ATP2B1: variants seen among roughly 807,000 people sequenced by gnomAD.
The protein encoded by ATP2B1 is ATPase plasma membrane Ca2+ transporting 1, also known as plasma membrane calcium-transporting ATPase 1.
In ATP2B1, 14 loss-of-function variants were observed where a neutral mutation model predicts 124.2. The observed-to-expected ratio is 0.11, with a 90% CI of 0.07 to 0.18. The LOEUF (loss-of-function observed/expected upper bound fraction) is 0.18, where lower values mean the gene tolerates loss of function less well. ATP2B1 is among the 10% of genes least tolerant of loss of function. The pLI is 1.00. For missense variants in ATP2B1, 763 were observed against 1,466.1 expected (o/e 0.52, Z 7.83); for synonymous variants, 449 against 492.4 (o/e 0.91, Z 1.17).
chr12:89,682,572 A>G (rs1049206968), intron 1 of ATP2B1, among the ~76,000 whole-genome samples: 6 of 152,220 alleles, frequency 3.9e-5, no homozygotes, highest in Non-Finnish European at 8.8e-5. Context: ...TAAATATATG[A>G]CAATGGTAGT....
chr12:89,676,087 A>G (rs1174097288), intron 1 of ATP2B1, among the ~76,000 whole-genome samples: 1 of 152,128 alleles, frequency 6.6e-6, no homozygotes, highest in Non-Finnish European at 1.5e-5. Context: ...GGTGGAGGTT[A>G]GGGAAAGAAG....
At chr12:89,605,880 T>C (rs773491529) in intron 15 of ATP2B1, among the ~76,000 whole-genome samples, 1 of 152,108 alleles carries the variant, frequency 6.6e-6, no homozygotes, top group Non-Finnish European at 1.5e-5. Context: ...CTAAAATTGG[T>C]AAGAGTGCTA....
rs58511820 is a variant in ATP2B1 at position 89,679,524 on chromosome 12, C to T, written c.-221-23417G>A. On this transcript the variant is annotated intron_variant, in intron 1 of 20. Transcript: ENST00000428670. ...GCCTGATCCCAATCTCTCTTTTCCC[C>T]CAAAAAGCACAATATCATAAGAAGT... is the stretch of plus-strand genomic sequence containing the variant. Among the ~76,000 whole-genome samples the T allele has an allele frequency of 0.01, 1,574 of 152,214 alleles. 71 individuals carry two copies. The East Asian group carries it at 0.14, about 13-fold the overall frequency.
In ATP2B1 at chr12:89,677,954, T is replaced by TTATA. The variant is rs61256358; in HGVS notation, c.-221-21851_-221-21848dup. On this transcript the variant is annotated intron_variant, in intron 1 of 20. Coordinates refer to ENST00000428670, the MANE Select transcript of ATP2B1 (RefSeq NM_001366521.1). ...TCAGGGGGTTGGGGGCATGCAGGAA[T>TTATA]TATATATATATATATATACACACAC... 1.9e-4 allele frequency among the ~76,000 whole-genome samples: 13 copies of TTATA among 68,764 alleles called. 1 individual carries two copies. The highest frequency in any genetic ancestry group is 7.0e-4 in the African/African-American group (11 of 15,728). The allele number at this position is 68,764 out of a possible 152,430, so 45.1% of individuals were successfully genotyped here.
chr12:89,645,310 A>G (rs1884272609), intron 2 of ATP2B1, among the ~76,000 whole-genome samples: 1 of 152,252 alleles, frequency 6.6e-6, no homozygotes, highest in Non-Finnish European at 1.5e-5. Context: ...TACACAATCT[A>G]AATATAATAA....
At chr12:89,681,919 G>C (rs911356961) in intron 1 of ATP2B1, among the ~76,000 whole-genome samples, 1 of 151,962 alleles carries the variant, frequency 6.6e-6, no homozygotes, top group Non-Finnish European at 1.5e-5. Flanking sequence ...TGAAGAATTA[G>C]ACAAAAGAAA....
At chr12:89,604,597 C>G (rs1876476948) in intron 15 of ATP2B1, among the ~76,000 whole-genome samples, 1 of 151,902 alleles carries the variant, frequency 6.6e-6, no homozygotes, top group South Asian at 2.1e-4. Flanking sequence ...GAGGAATGAA[C>G]AAAGACATTA....
chr12:89,588,484 GA>G lies in ATP2B1; in HGVS notation c.*2499del, dbSNP rs1000120518. On this transcript the variant is annotated 3_prime_UTR_variant, in exon 21 of 21. Coordinates refer to ENST00000428670, the MANE Select transcript of ATP2B1 (RefSeq NM_001366521.1). ...AATTTTTTGGTTAGAGGATAAAAGA[GA>G]AAAAGTGATTGAATTACAGATTTCA... 18 of 152,520 alleles carry G rather than the reference GA, an allele frequency of 1.2e-4. No individual in the cohort carries two copies. The highest frequency in any genetic ancestry group is 4.3e-4 in the African/African-American group (18 of 41,432). 9.4% of individuals were successfully genotyped at this position (152,520 alleles called of 1,614,324 possible). A position where few individuals can be genotyped will look rare whatever the true frequency, so the allele number is the denominator to read the frequency against.
chr12:89,641,912 A>G, intron 3 of ATP2B1: 1 of 457,932 alleles, frequency 2.2e-6, no homozygotes, highest in South Asian at 2.7e-5. Flanking sequence ...TCTGTGCCAG[A>G]CACATAGTAA....
chr12:89,705,119 A>G (rs1301672009), intron 1 of ATP2B1, among the ~76,000 whole-genome samples: 1 of 152,164 alleles, frequency 6.6e-6, no homozygotes, highest in Admixed American at 6.5e-5. Flanking sequence ...AATTTTAACA[A>G]GACAACAATA....
At chr12:89,704,357 CTGTT>C (rs1263568436) in intron 1 of ATP2B1, among the ~76,000 whole-genome samples, 5 of 152,136 alleles carry the variant, frequency 3.3e-5, no homozygotes, top group African/African-American at 9.7e-5. Context: ...AAAACACAAA[CTGTT>C]TGTATTACAC....
chr12:89,693,442 T>C (rs1890762134), intron 1 of ATP2B1, among the ~76,000 whole-genome samples: 1 of 152,176 alleles, frequency 6.6e-6, no homozygotes, highest in South Asian at 2.1e-4. Context: ...CCTAACTTTC[T>C]GGACAGGACA....
At chr12:89,690,910 G>A (rs575196992) in intron 1 of ATP2B1, among the ~76,000 whole-genome samples, 1 of 152,050 alleles carries the variant, frequency 6.6e-6, no homozygotes, top group Non-Finnish European at 1.5e-5. Context: ...GAATCAATAA[G>A]AATAAACCAA....
intron 9 of ATP2B1, among the ~76,000 whole-genome samples, chr12:89,623,748 T>G (rs1880377784): frequency 6.6e-6 from 1 of 152,248 alleles, no homozygotes; most frequent in African/African-American, 2.4e-5. Context: ...GGTAAGGAGT[T>G]TGCATTTTAC....
chr12:89,601,276 TA>T (rs749627017), intron 19 of ATP2B1, 49 bp downstream of exon 19: 30,712 of 982,324 alleles, frequency 0.031, no homozygotes, highest in South Asian at 0.04. Flanking sequence ...CACTAGAAAT[TA>T]AAAAAAAAAA....
At chr12:89,643,147 T>C (rs1408646899) in intron 2 of ATP2B1, among the ~76,000 whole-genome samples, 1 of 150,854 alleles carries the variant, frequency 6.6e-6, no homozygotes, top group Non-Finnish European at 1.5e-5. Flanking sequence ...TATACACGTG[T>C]ATATGTATAT....
intron 10 of ATP2B1, 80 bp downstream of exon 10, chr12:89,621,469 T>C (rs1220129195): frequency 1.8e-6 from 2 of 1,130,458 alleles, no homozygotes; most frequent in Non-Finnish European, 2.4e-6. Flanking sequence ...CATACAGTAA[T>C]GGTGGTCTGA....
chr12:89,636,295 T>C (rs1882701065), intron 3 of ATP2B1, among the ~76,000 whole-genome samples: 2 of 152,138 alleles, frequency 1.3e-5, no homozygotes, highest in Admixed American at 1.3e-4. Context: ...ACAGTGCTTT[T>C]TGACTTCGGG....
At chr12:89,622,730 T>C (rs1565831339) in intron 9 of ATP2B1, among the ~76,000 whole-genome samples, 1 of 152,148 alleles carries the variant, frequency 6.6e-6, no homozygotes, top group African/African-American at 2.4e-5. Flanking sequence ...ATGTTCAGTT[T>C]TGTGAAACAC....
Sources: allele counts gnomAD v4.1 joint callset (sites outside exome capture counted in the v4.1 genomes callset), GRCh38; gene constraint gnomAD v4.1.1; transcripts MANE v1.5; gene names NCBI Gene and HGNC (gene_info 2026-07-23, HGNC 2026-07-21).